Variants in LRRC4C observed in about 807,000 individuals in gnomAD.
The protein encoded by LRRC4C is leucine rich repeat containing 4C.
In LRRC4C, 5 loss-of-function variants were observed where a neutral mutation model predicts 33.6. The observed-to-expected ratio is 0.15, with a 90% CI of 0.08 to 0.31. The LOEUF is 0.31. Among genes scored for constraint, LRRC4C ranks in the 10% least tolerant of loss-of-function variants. The pLI is 1.00. For synonymous variants in LRRC4C, 329 were observed against 302.0 expected (o/e 1.09, Z -0.93); for missense variants, 560 against 796.7 (o/e 0.70, Z 3.58).
chr11:40,219,698 C>A (rs1008409975), intron 5 of LRRC4C, among the ~76,000 whole-genome samples: 50 of 146,964 alleles, frequency 3.4e-4, no homozygotes, highest in Non-Finnish European at 3.0e-5. Flanking sequence ...ACATAGAGAA[C>A]AAAACAGTGA....
chr11:40,178,201 A>T (rs1860676976), intron 5 of LRRC4C, among the ~76,000 whole-genome samples: 1 of 152,198 alleles, frequency 6.6e-6, no homozygotes, highest in South Asian at 2.1e-4. Context: ...AAATAAAGCG[A>T]GCTTCCAAAG....
At chr11:41,015,330 T>G (rs1180672526) in intron 1 of LRRC4C, among the ~76,000 whole-genome samples, 3 of 152,186 alleles carry the variant, frequency 2.0e-5, no homozygotes, top group African/African-American at 7.2e-5. Context: ...AAAATTTTGT[T>G]AATGTTTAAT....
intron 3 of LRRC4C, among the ~76,000 whole-genome samples, chr11:40,469,282 G>C (rs1024399502): frequency 2.0e-5 from 3 of 152,150 alleles, no homozygotes; most frequent in African/African-American, 7.2e-5. Context: ...AAAGGGGTTG[G>C]TGAACTCCCT....
chr11:40,288,738 G>C (rs140672178), intron 4 of LRRC4C, among the ~76,000 whole-genome samples: 1 of 152,092 alleles, frequency 6.6e-6, no homozygotes, highest in South Asian at 2.1e-4. Flanking sequence ...AATGAACACA[G>C]CATTCATTTT....
chr11:40,193,485 A>G (rs1197505449), intron 5 of LRRC4C, among the ~76,000 whole-genome samples: 1 of 152,218 alleles, frequency 6.6e-6, no homozygotes, highest in African/African-American at 2.4e-5. Flanking sequence ...AGATAAATTC[A>G]CAAATATGAG....
intron 1 of LRRC4C, among the ~76,000 whole-genome samples, chr11:41,346,786 C>T (rs1217642464): frequency 6.6e-6 from 1 of 152,146 alleles, no homozygotes; most frequent in Admixed American, 6.5e-5. Context: ...GGATGTGGTA[C>T]TCTTATTCAT....
chr11:40,865,471 G>A (rs1043135994), intron 2 of LRRC4C, among the ~76,000 whole-genome samples: 1 of 150,802 alleles, frequency 6.6e-6, no homozygotes. Context: ...TATGAGGCAA[G>A]GCATATGCTC....
rs192620845 is a variant in LRRC4C, at chr11:40,993,363, C to G, written c.-495-59640G>C. Among the ~76,000 whole-genome samples the G allele has an allele frequency of 2.2e-3, 339 of 152,134 alleles. 6 individuals are homozygous for G. Among genetic ancestry groups the G allele is most frequent in the East Asian group, 1.5e-3 (8 of 5,192 alleles). On this transcript the variant is annotated intron_variant, in intron 1 of 6. Coordinates refer to ENST00000528697, the MANE Select transcript of LRRC4C (RefSeq NM_001258419.2). ...GGACCCCATGAAATTTATATTTGAA[C>G]TGGCCCACACATAATATAGAATATA... is the stretch of plus-strand genomic sequence containing the variant.
At chr11:40,593,098 A>C (rs780228147) in intron 3 of LRRC4C, among the ~76,000 whole-genome samples, 5 of 152,212 alleles carry the variant, frequency 3.3e-5, no homozygotes, top group Non-Finnish European at 7.3e-5. Flanking sequence ...CTGCAGCTTT[A>C]TTATTCATAG....
intron 4 of LRRC4C, among the ~76,000 whole-genome samples, chr11:40,285,147 G>A (rs1416969371): frequency 6.6e-6 from 1 of 152,016 alleles, no homozygotes; most frequent in East Asian, 1.9e-4. Flanking sequence ...AACAGAAACA[G>A]CATACACAGG....
At chr11:40,206,578 A>G (rs1452544796) in intron 5 of LRRC4C, among the ~76,000 whole-genome samples, 1 of 152,152 alleles carries the variant, frequency 6.6e-6, no homozygotes, top group Non-Finnish European at 1.5e-5. Context: ...TAATTGTTCA[A>G]TGCAGGATGT....
rs186240411 is a variant in LRRC4C at position 40,714,214 on chromosome 11, T to C, written c.-406-65936A>G. On this transcript the variant is annotated intron_variant, in intron 2 of 6. Transcript: ENST00000528697. Reference sequence around the variant, plus strand: ...TGGCAACACCTTCATTTCAACAACATAGAGTCCTCAGCCAGAACCACCATG... The same window carrying C: ...TGGCAACACCTTCATTTCAACAACACAGAGTCCTCAGCCAGAACCACCATG... Among the ~76,000 whole-genome samples the C allele has an allele frequency of 1.5e-3, 232 of 152,258 alleles. 1 individual carries two copies. The highest frequency in any genetic ancestry group is 5.4e-3 in the African/African-American group (225 of 41,554).
intron 6 of LRRC4C, among the ~76,000 whole-genome samples, chr11:40,119,902 C>A (rs1194413756): frequency 6.6e-6 from 1 of 152,172 alleles, no homozygotes; most frequent in African/African-American, 2.4e-5. Context: ...AATCACCCCA[C>A]GTCCACTTAC....
At chr11:40,944,286 G>T (rs1958287757) in intron 1 of LRRC4C, among the ~76,000 whole-genome samples, 1 of 151,818 alleles carries the variant, frequency 6.6e-6, no homozygotes, top group Non-Finnish European at 1.5e-5. Context: ...CACATATCTT[G>T]AGGATACGAT....
chr11:40,730,936 G>A lies in LRRC4C; in HGVS notation c.-406-82658C>T, dbSNP rs185580567. On this transcript the variant is annotated intron_variant, in intron 2 of 6. Transcript: ENST00000528697. ...TCCCCAGTGTTGGCTGTAGGGCCTGGTGGGAGGTGTTTGTCTCAAGGGGGT... is the reference window on the plus strand; with the variant it reads ...TCCCCAGTGTTGGCTGTAGGGCCTGATGGGAGGTGTTTGTCTCAAGGGGGT... 5.8e-4 allele frequency among the ~76,000 whole-genome samples: 88 copies of A among 152,292 alleles called. No homozygotes were observed. In the Middle Eastern group the frequency reaches 0.01, roughly 18 times the overall value.
intron 3 of LRRC4C, among the ~76,000 whole-genome samples, chr11:40,635,719 C>T (rs1963896316): frequency 6.9e-6 from 1 of 145,378 alleles, no homozygotes; most frequent in African/African-American, 2.6e-5. Flanking sequence ...TCACTGCAAG[C>T]TCCGCCTCCC....
rs1000432120 is a variant in LRRC4C, at chr11:40,788,338, C to G, written c.-406-140060G>C. On this transcript the variant is annotated intron_variant, in intron 2 of 6. Transcript: ENST00000528697. ...CCTCCTCCTTTCTTTGTTCCTTTCA[C>G]TTCTGTCTTAGTAGATCATCTGTAT... Among the ~76,000 whole-genome samples, 4 of 152,178 alleles carry G rather than the reference C, an allele frequency of 2.6e-5. 1 individual carries two copies. The highest frequency in any genetic ancestry group is 2.6e-4 in the Admixed American group (4 of 15,292).
At chr11:41,284,964 C>T (rs115537322) in intron 1 of LRRC4C, among the ~76,000 whole-genome samples, 1 of 152,142 alleles carries the variant, frequency 6.6e-6, no homozygotes, top group Non-Finnish European at 1.5e-5. Flanking sequence ...GATTAGGGCT[C>T]TAATCATTTA....
intron 3 of LRRC4C, among the ~76,000 whole-genome samples, chr11:40,492,573 A>G (rs757212527): frequency 5.9e-5 from 9 of 152,096 alleles, no homozygotes; most frequent in Admixed American, 3.3e-4. Context: ...TTCTGCACCT[A>G]GGCTGTTGAA....
Sources: allele counts gnomAD v4.1 joint callset (sites outside exome capture counted in the v4.1 genomes callset), GRCh38; gene constraint gnomAD v4.1.1; transcripts MANE v1.5; gene names NCBI Gene and HGNC (gene_info 2026-07-23, HGNC 2026-07-21).